The following STX3 variants were observed in gnomAD, a reference collection of about 807,000 sequenced individuals.
STX3 encodes syntaxin 3.
Under a neutral mutation model 40.2 loss-of-function variants are expected in STX3, and 19 were observed. That is an observed-to-expected ratio of 0.47 (90% CI 0.33 to 0.69). The LOEUF is 0.69. Ranked by LOEUF, STX3 falls within the 30% of genes least tolerant of loss-of-function variation. The pLI, the probability that STX3 is intolerant of heterozygous loss-of-function variation, is 0.02. For missense variants in STX3, 364 were observed against 366.7 expected (o/e 0.99, Z 0.06); for synonymous variants, 122 against 132.2 (o/e 0.92, Z 0.53).
chr11:59,769,186 C>T (rs143131874), intron 1 of STX3, among the ~76,000 whole-genome samples: 77 of 152,116 alleles, frequency 5.1e-4, no homozygotes, highest in African/African-American at 1.4e-3. Context: ...TGTGATGGAC[C>T]GTGGTATAGA....
rs900799303 is a variant in STX3, at chr11:59,798,543, G to A, written c.*30+1147G>A. 2.0e-5 allele frequency among the ~76,000 whole-genome samples: 3 copies of A among 149,026 alleles called. No individual in the cohort carries two copies. The South Asian group carries it at 6.4e-4, about 32-fold the overall frequency. On this transcript the variant is annotated intron_variant, in intron 10 of 10. Transcript: ENST00000337979. The stretch of plus-strand genomic sequence containing the variant: ...TTTTTGTTGTTGTTGTTTTTTGTTT[G>A]TTTCTCATTCTTGTCCCCCAGGCTG...
intron 5 of STX3, among the ~76,000 whole-genome samples, chr11:59,791,566 G>A (rs1412442396): frequency 6.6e-6 from 1 of 152,116 alleles, no homozygotes; most frequent in African/African-American, 2.4e-5. Flanking sequence ...TATATATATT[G>A]GCGATTTTCC....
At chr11:59,796,209 C>G (rs1166858127) in intron 9 of STX3, among the ~76,000 whole-genome samples, 2 of 152,162 alleles carry the variant, frequency 1.3e-5, no homozygotes, top group Admixed American at 1.3e-4. Flanking sequence ...GGGTCAGGGG[C>G]TCAGTAACTG....
chr11:59,799,808 T>G (rs1454925918), intron 10 of STX3: 165 of 985,282 alleles, frequency 1.7e-4, no homozygotes, highest in Non-Finnish European at 2.0e-4. Context: ...AGACAGGTGG[T>G]TGGTTGATTT....
intron 2 of STX3, among the ~76,000 whole-genome samples, chr11:59,775,095 T>G (rs940647084): frequency 5.9e-5 from 9 of 152,326 alleles, no homozygotes; most frequent in African/African-American, 2.2e-4. Flanking sequence ...ACCCTCCAGT[T>G]TTTTTTCTGA....
chr11:59,801,344 T>C lies in STX3; in HGVS notation c.*520T>C. On this transcript the variant is annotated 3_prime_UTR_variant, in exon 11 of 11. Coordinates refer to ENST00000337979, the MANE Select transcript of STX3 (RefSeq NM_004177.5). ...GCCAATCCTGTTTGTTGTCCGTATG[T>C]CCTGAAAACATGAGGGACTGGCAGA... is the stretch of plus-strand genomic sequence containing the variant. 1 of 990,828 alleles carries C rather than the reference T, an allele frequency of 1.0e-6. No individual in the cohort carries two copies. The highest frequency in any genetic ancestry group is 1.2e-6 in the Non-Finnish European group (1 of 832,922). 61.4% of individuals were successfully genotyped at this position (990,828 alleles called of 1,614,324 possible). A position where few individuals can be genotyped will look rare whatever the true frequency, so the allele number is the denominator to read the frequency against.
rs111629513 is a variant in STX3, at chr11:59,774,493, GA to G, written c.114+1206del. ...GTGATCCAGTGTTTAGGTAAGAAAA[GA>G]AAAAAACAATAAACAACAAAAATCC... On this transcript the variant is annotated intron_variant, in intron 2 of 10. Transcript: ENST00000337979. Among the ~76,000 whole-genome samples, 769 of 148,542 alleles carry G rather than the reference GA, an allele frequency of 5.2e-3. 5 individuals carry two copies. Among genetic ancestry groups the G allele is most frequent in the African/African-American group, 7.4e-3 (301 of 40,482 alleles).
intron 4 of STX3, among the ~76,000 whole-genome samples, chr11:59,789,498 T>C (rs1431188923): frequency 1.3e-5 from 2 of 151,898 alleles, no homozygotes; most frequent in African/African-American, 2.4e-5. Context: ...CAGAAGGCAG[T>C]GGCTCAATTT....
At chr11:59,760,432 GTTTTGTTTT>G (rs1330932333) in intron 1 of STX3, among the ~76,000 whole-genome samples, 1 of 148,404 alleles carries the variant, frequency 6.7e-6, no homozygotes, top group Non-Finnish European at 1.5e-5. Flanking sequence ...TTGTTTGTTT[GTTTTGTTTT>G]TTTAATTACC....
intron 8 of STX3, among the ~76,000 whole-genome samples, chr11:59,794,143 A>G (rs1263542689): frequency 6.6e-6 from 1 of 152,110 alleles, no homozygotes; most frequent in Non-Finnish European, 1.5e-5. Context: ...GGCACAGAGC[A>G]GACAACAACA....
At chr11:59,783,003 A>G (rs1443791473) in intron 2 of STX3, among the ~76,000 whole-genome samples, 1 of 152,114 alleles carries the variant, frequency 6.6e-6, no homozygotes, top group Non-Finnish European at 1.5e-5. Flanking sequence ...TGTCTCAAAA[A>G]AAAAAAATTA....
At chr11:59,757,042 G>C (rs1862752914) in intron 1 of STX3, among the ~76,000 whole-genome samples, 1 of 152,214 alleles carries the variant, frequency 6.6e-6, no homozygotes, top group South Asian at 2.1e-4. Flanking sequence ...TATTGTGGGA[G>C]TGGCCTCTCT....
chr11:59,784,596 G>A (rs1477381456), intron 2 of STX3, among the ~76,000 whole-genome samples: 3 of 152,200 alleles, frequency 2.0e-5, no homozygotes, highest in African/African-American at 7.2e-5. Context: ...AAAGCCTCAC[G>A]GTCATGGCAG....
At chr11:59,780,273 C>G (rs1244612019) in intron 2 of STX3, among the ~76,000 whole-genome samples, 3 of 151,996 alleles carry the variant, frequency 2.0e-5, no homozygotes, top group Non-Finnish European at 2.9e-5. Context: ...GTCATGAGGG[C>G]GAATTAGTAC....
intron 3 of STX3, 91 bp downstream of exon 3, chr11:59,787,227 G>C: frequency 4.4e-6 from 5 of 1,132,038 alleles, no homozygotes; most frequent in Non-Finnish European, 3.9e-6. Context: ...TGAGCAGTAG[G>C]GAAGTGTACA....
Position 59,803,184 on chromosome 11 carries a change from C to T in STX3, c.*2360C>T. The T allele has an allele frequency of 8.1e-7, 1 of 1,231,646 alleles. No individual in the cohort carries two copies. The highest frequency in any genetic ancestry group is 1.0e-6 in the Non-Finnish European group (1 of 987,912). The allele number at this position is 1,231,646 out of a possible 1,614,324, so 76.3% of individuals were successfully genotyped here. ...GAATACTTTTTGCGATGATGTTTCT[C>T]ATGTATTCTTTCTTTCCTTGTCTGG... On this transcript the variant is annotated 3_prime_UTR_variant, in exon 11 of 11. Coordinates refer to ENST00000337979, the MANE Select transcript of STX3 (RefSeq NM_004177.5).
In STX3 at chr11:59,803,271, CA is replaced by C. The variant is rs1359666259; in HGVS notation, c.*2448del. The C allele has an allele frequency of 1.1e-5, 14 of 1,231,556 alleles. No homozygotes were observed. The highest frequency in any genetic ancestry group is 4.2e-5 in the Admixed American group (1 of 23,696). The allele number at this position is 1,231,556 out of a possible 1,614,324, so 76.3% of individuals were successfully genotyped here. A position where few individuals can be genotyped will look rare whatever the true frequency, so the allele number is the denominator to read the frequency against. ...TTATCCTTGCGATCATCTTAGCTTC[CA>C]CCATTGGGAGCATATTTGCCTGAAA... On this transcript the variant is annotated 3_prime_UTR_variant, in exon 11 of 11. Transcript: ENST00000337979.
intron 1 of STX3, among the ~76,000 whole-genome samples, chr11:59,767,897 G>A (rs1201730062): frequency 6.6e-6 from 1 of 152,058 alleles, no homozygotes; most frequent in Admixed American, 6.6e-5. Context: ...CTAAGTGAGG[G>A]GATTTGATGG....
At chr11:59,774,494 A>G (rs963030842) in intron 2 of STX3, among the ~76,000 whole-genome samples, 1 of 150,388 alleles carries the variant, frequency 6.6e-6, no homozygotes, top group Non-Finnish European at 1.5e-5. Flanking sequence ...GTAAGAAAAG[A>G]AAAAAACAAT....
Sources: gnomAD v4.1 joint callset for allele counts (sites outside exome capture counted in the v4.1 genomes callset) on GRCh38, gnomAD v4.1.1 for gene constraint, MANE v1.5 for transcripts, NCBI Gene and HGNC (gene_info 2026-07-23, HGNC 2026-07-21) for gene names.